Variants in PCDHA5 observed in about 807,000 individuals in gnomAD.
PCDHA5 encodes protocadherin alpha 5.
In PCDHA5, 43 loss-of-function variants were observed where a neutral mutation model predicts 61.6. That is an observed-to-expected ratio of 0.70 (90% confidence interval 0.55 to 0.90). The LOEUF is 0.90. PCDHA5 is among the 40% of genes least tolerant of loss of function. The pLI is 0.00. For missense variants in PCDHA5, 1,298 were observed against 1,222.7 expected (o/e 1.06, Z -0.92); for synonymous variants, 627 against 543.9 (o/e 1.15, Z -2.13).
At chr5:140,884,414 C>G in intron 1 of PCDHA5, 2 of 1,614,008 alleles carry the variant, frequency 1.2e-6, no homozygotes, top group Non-Finnish European at 1.7e-6. Context: ...GCTCACGTTG[C>G]TGCTGTATAC....
chr5:140,987,165 G>A lies in PCDHA5; in HGVS notation c.2500+4602G>A, dbSNP rs191129148. Among the ~76,000 whole-genome samples, 1,195 of 151,202 alleles carry A rather than the reference G, an allele frequency of 7.9e-3. 19 individuals are homozygous for A. The highest frequency in any genetic ancestry group is 0.027 in the African/African-American group (1,126 of 41,156). On this transcript the variant is annotated intron_variant, in intron 3 of 3. Transcript: ENST00000529859. ...GGAGGTGGAGGTTGCAGTGAGCTGA[G>A]ATTGCACCACTGCACTCCAGCCTGG...
chr5:140,900,276 A>G (rs1228583402), intron 1 of PCDHA5, among the ~76,000 whole-genome samples: 1 of 151,558 alleles, frequency 6.6e-6, no homozygotes, highest in Non-Finnish European at 1.5e-5. Context: ...TATATGTACC[A>G]CACTTTCTTT....
At chr5:140,942,992 C>T (rs782446748) in intron 1 of PCDHA5, among the ~76,000 whole-genome samples, 3 of 152,006 alleles carry the variant, frequency 2.0e-5, no homozygotes, top group South Asian at 2.1e-4. Flanking sequence ...TGTGGTGGCT[C>T]ATGCCTGTAA....
intron 1 of PCDHA5, chr5:140,875,507 A>G: frequency 6.2e-7 from 1 of 1,613,674 alleles, no homozygotes. Context: ...CCGGGATCCC[A>G]GCGTCTGCTG....
At chr5:140,874,625 T>C (rs1342932675) in intron 1 of PCDHA5, among the ~76,000 whole-genome samples, 3 of 152,238 alleles carry the variant, frequency 2.0e-5, no homozygotes, top group Admixed American at 6.5e-5. Flanking sequence ...ACATTTTACA[T>C]TAAAGTGCTT....
chr5:140,857,730 C>A (rs782671299), intron 1 of PCDHA5: 1 of 1,597,474 alleles, frequency 6.3e-7, no homozygotes, highest in Admixed American at 1.7e-5. Context: ...AACGACAACG[C>A]TCCCGCGCTG....
intron 1 of PCDHA5, among the ~76,000 whole-genome samples, chr5:140,900,334 G>A (rs552378783): frequency 4.2e-4 from 64 of 152,060 alleles, no homozygotes; most frequent in East Asian, 1.6e-3. Context: ...CTGGAGTACC[G>A]TGGCGCAATC....
At chr5:140,887,928 A>G (rs1345223604) in intron 1 of PCDHA5, among the ~76,000 whole-genome samples, 1 of 152,138 alleles carries the variant, frequency 6.6e-6, no homozygotes, top group Non-Finnish European at 1.5e-5. Flanking sequence ...TTCAGAGACC[A>G]TATTTATTTC....
intron 1 of PCDHA5, among the ~76,000 whole-genome samples, chr5:140,950,025 T>C (rs907309880): frequency 6.6e-6 from 1 of 151,922 alleles, no homozygotes; most frequent in East Asian, 1.9e-4. Context: ...TCATAAAATA[T>C]AGAAAAGTTA....
At chr5:141,005,500 G>A (rs954556024) in intron 3 of PCDHA5, among the ~76,000 whole-genome samples, 2 of 151,574 alleles carry the variant, frequency 1.3e-5, no homozygotes, top group East Asian at 1.9e-4. Flanking sequence ...TCAGGAGATC[G>A]AGACCATCCT....
intron 1 of PCDHA5, among the ~76,000 whole-genome samples, chr5:140,975,996 C>G (rs923472287): frequency 4.6e-5 from 7 of 152,064 alleles, no homozygotes; most frequent in African/African-American, 1.7e-4. Flanking sequence ...GAGGTACCAT[C>G]TAAGTATTAA....
intron 1 of PCDHA5, among the ~76,000 whole-genome samples, chr5:140,922,354 A>G (rs1208856231): frequency 6.6e-6 from 1 of 152,220 alleles, no homozygotes; most frequent in Non-Finnish European, 1.5e-5. Flanking sequence ...TTTCTAGAGT[A>G]GTGATTCTCA....
intron 1 of PCDHA5, among the ~76,000 whole-genome samples, chr5:140,897,416 T>C (rs1233824796): frequency 6.9e-6 from 1 of 145,554 alleles, no homozygotes; most frequent in African/African-American, 2.5e-5. Flanking sequence ...TCAATTCCCA[T>C]CTATGAGTGA....
chr5:140,829,648 G>T, intron 1 of PCDHA5: 1 of 1,612,362 alleles, frequency 6.2e-7, no homozygotes. Context: ...AGGTGTACGC[G>T]CTGCAGCCGC....
At chr5:140,928,350 T>A in intron 1 of PCDHA5, 1 of 1,614,098 alleles carries the variant, frequency 6.2e-7, no homozygotes, top group Non-Finnish European at 8.5e-7. Context: ...AGCTGTTGGA[T>A]GTTATCTCTG....
chr5:140,863,319 C>A, intron 1 of PCDHA5: 1 of 1,445,714 alleles, frequency 6.9e-7, no homozygotes, highest in Non-Finnish European at 9.4e-7. Context: ...TGGTGTCCAG[C>A]CTGTTAGTGC....
intron 1 of PCDHA5, among the ~76,000 whole-genome samples, chr5:140,921,582 A>G (rs1451313725): frequency 6.6e-6 from 1 of 152,200 alleles, no homozygotes; most frequent in Non-Finnish European, 1.5e-5. Context: ...AGCTCATACT[A>G]TATTATGGTT....
intron 1 of PCDHA5, among the ~76,000 whole-genome samples, chr5:140,922,896 A>C (rs551056851): frequency 1.6e-3 from 238 of 152,336 alleles, no homozygotes; most frequent in Non-Finnish European, 2.0e-3. Context: ...TTCAAGAAAA[A>C]ATTTTGAGAT....
chr5:140,967,687 C>T (rs1173018126), intron 1 of PCDHA5: 1 of 1,614,094 alleles, frequency 6.2e-7, no homozygotes, highest in Non-Finnish European at 8.5e-7. Context: ...AGAGGCAGCT[C>T]TTCAGCATAG....
Sources: gnomAD v4.1 joint callset for allele counts (sites outside exome capture counted in the v4.1 genomes callset) on GRCh38, gnomAD v4.1.1 for gene constraint, MANE v1.5 for transcripts, NCBI Gene and HGNC (gene_info 2026-07-23, HGNC 2026-07-21) for gene names.